CTBP2: variants seen among roughly 807,000 people sequenced by gnomAD.
CTBP2 encodes C-terminal-binding protein 2.
CTBP2 carries 30 observed loss-of-function variants against 80.3 expected under a neutral mutation model. That is an observed-to-expected ratio of 0.37 (90% CI 0.28 to 0.51). CTBP2 has a LOEUF of 0.51. Ranked by LOEUF, CTBP2 falls within the 20% of genes least tolerant of loss-of-function variation. The pLI, the probability that CTBP2 is intolerant of heterozygous loss-of-function variation, is 0.93. For synonymous variants in CTBP2, 594 were observed against 587.4 expected (o/e 1.01, Z -0.16); for missense variants, 1,212 against 1,375.3 (o/e 0.88, Z 1.88).
chr10:125,155,141 C>T (rs962122288), intron 1 of CTBP2, among the ~76,000 whole-genome samples: 4 of 152,338 alleles, frequency 2.6e-5, no homozygotes, highest in East Asian at 1.9e-4. Flanking sequence ...AGAAAGCACA[C>T]GACGTTCCTT....
chr10:125,082,551 T>C (rs1847328020), intron 2 of CTBP2, among the ~76,000 whole-genome samples: 2 of 152,088 alleles, frequency 1.3e-5, no homozygotes, highest in South Asian at 4.1e-4. Context: ...CAAGTCACGT[T>C]TGCACACTGT....
chr10:125,035,344 G>A (rs920225934), intron 3 of CTBP2, among the ~76,000 whole-genome samples: 17 of 152,222 alleles, frequency 1.1e-4, no homozygotes, highest in Non-Finnish European at 2.2e-4. Flanking sequence ...GTTTATTTAA[G>A]AGGAGGTCCC....
chr10:125,062,006 G>T (rs1245847547), intron 2 of CTBP2, among the ~76,000 whole-genome samples: 1 of 152,206 alleles, frequency 6.6e-6, no homozygotes, highest in African/African-American at 2.4e-5. Context: ...ACCGAAGCCG[G>T]GTAGCCCAGG....
At chr10:125,152,376 C>G (rs1860143657) in intron 1 of CTBP2, among the ~76,000 whole-genome samples, 1 of 152,202 alleles carries the variant, frequency 6.6e-6, no homozygotes, top group African/African-American at 2.4e-5. Context: ...CTCCCCGCAA[C>G]AGAAGGTCGC....
intron 3 of CTBP2, among the ~76,000 whole-genome samples, chr10:125,036,501 T>C (rs548129173): frequency 8.3e-6 from 1 of 120,166 alleles, no homozygotes; most frequent in East Asian, 3.1e-4. Flanking sequence ...TTTAATCATT[T>C]AGAAAGAAAA....
At chr10:125,139,445 T>A (rs1857453468) in intron 1 of CTBP2, among the ~76,000 whole-genome samples, 1 of 151,626 alleles carries the variant, frequency 6.6e-6, no homozygotes, top group African/African-American at 2.4e-5. Flanking sequence ...GTATTTCTAA[T>A]ATTCTTGAAT....
At chr10:125,038,488 T>C (rs1959115864) in intron 3 of CTBP2, among the ~76,000 whole-genome samples, 1 of 152,144 alleles carries the variant, frequency 6.6e-6, no homozygotes, top group South Asian at 2.1e-4. Context: ...CAGGTTTCCA[T>C]TAGATTTTAA....
chr10:125,054,043 C>T (rs908009998), intron 2 of CTBP2, among the ~76,000 whole-genome samples: 8 of 152,078 alleles, frequency 5.3e-5, no homozygotes, highest in African/African-American at 1.9e-4. Flanking sequence ...CAGTAGAGGG[C>T]CATGAATTGA....
intron 1 of CTBP2, among the ~76,000 whole-genome samples, chr10:125,130,374 T>C (rs747444030): frequency 6.6e-6 from 1 of 152,222 alleles, no homozygotes; most frequent in Non-Finnish European, 1.5e-5. Flanking sequence ...TAGCCTTCCC[T>C]TGCTGAGCCT....
intron 3 of CTBP2, among the ~76,000 whole-genome samples, chr10:125,033,349 TGAGACA>T (rs1958465899): frequency 6.6e-6 from 1 of 152,138 alleles, no homozygotes; most frequent in Non-Finnish European, 1.5e-5. Context: ...TAGATGGAGA[TGAGACA>T]GAGACAGAGG....
At chr10:125,112,384 AT>A (rs1316710564) in intron 1 of CTBP2, among the ~76,000 whole-genome samples, 6 of 146,898 alleles carry the variant, frequency 4.1e-5, no homozygotes, top group Non-Finnish European at 3.0e-5. Flanking sequence ...AAGTGCTGGG[AT>A]TACAGGCGTG....
chr10:125,049,521 T>A (rs1962206645), intron 2 of CTBP2, among the ~76,000 whole-genome samples: 1 of 152,150 alleles, frequency 6.6e-6, no homozygotes, highest in Admixed American at 6.5e-5. Context: ...TTGCTCCAAG[T>A]CACATTCAGT....
intron 1 of CTBP2, among the ~76,000 whole-genome samples, chr10:125,009,407 G>A (rs1341584930): frequency 3.3e-5 from 5 of 152,130 alleles, no homozygotes; most frequent in South Asian, 2.1e-4. Flanking sequence ...TCCAGAGGCC[G>A]GGGCGGGACA....
Position 124,998,176 on chromosome 10 carries a change from A to T in CTBP2, c.1979-6T>A, listed in dbSNP as rs1188369146. 3 of 1,600,566 alleles carry T rather than the reference A, an allele frequency of 1.9e-6. No homozygotes were observed. The highest frequency in any genetic ancestry group is 1.1e-5 in the South Asian group (1 of 88,692). ...GATGTTGCACACGGCAATTCCTGAA[A>T]GGGATGAGGCCAAGGCCGGAGATGA... On this transcript the variant is annotated splice_polypyrimidine_tract_variant and splice_region_variant and intron_variant, in intron 3 of 8. Transcript: ENST00000309035.
chr10:125,035,986 C>G (rs1442058527), intron 3 of CTBP2, among the ~76,000 whole-genome samples: 1 of 152,152 alleles, frequency 6.6e-6, no homozygotes, highest in Non-Finnish European at 1.5e-5. Flanking sequence ...TTATAAATAG[C>G]AAACTCAAAG....
Position 125,014,101 on chromosome 10 carries a change from G to A in CTBP2, c.1679-10609C>T, listed in dbSNP as rs140636583. Among the ~76,000 whole-genome samples, 5 of 152,272 alleles carry A rather than the reference G, an allele frequency of 3.3e-5. No individual in the cohort carries two copies. The East Asian group carries it at 7.7e-4, about 24-fold the overall frequency. ...TCATGGTAACTGTTATCAGAACGGC[G>A]GAGAACAGAAGGGCACATCCAAGCA... On this transcript the variant is annotated intron_variant, in intron 1 of 8. Coordinates refer to ENST00000309035, the MANE Select transcript of CTBP2 (RefSeq NM_022802.3).
At chr10:125,075,374 C>T (rs117539471) in intron 2 of CTBP2, among the ~76,000 whole-genome samples, 2,885 of 152,184 alleles carry the variant, frequency 0.019, 45 homozygotes, top group Non-Finnish European at 0.03. Flanking sequence ...TGAATCAATG[C>T]TGTTATCGTG....
Position 125,040,599 on chromosome 10 carries a change from T to TACACACACACAC in CTBP2, c.-101-1456_-101-1445dup, listed in dbSNP as rs59512017. 5.1e-3 allele frequency among the ~76,000 whole-genome samples: 751 copies of TACACACACACAC among 146,068 alleles called. 8 individuals carry two copies. The highest frequency in any genetic ancestry group is 0.017 in the African/African-American group (644 of 39,018). ...TTTTAAGACCACCACCACAACCACA[T>TACACACACACAC]ACACACACACACACACACACACACA... On this transcript the variant is annotated intron_variant, in intron 2 of 10. Coordinates refer to the CTBP2 transcript ENST00000337195.
intron 2 of CTBP2, among the ~76,000 whole-genome samples, chr10:125,077,661 G>T (rs1478607678): frequency 6.6e-6 from 1 of 152,136 alleles, no homozygotes; most frequent in Admixed American, 6.5e-5. Flanking sequence ...ACAAACAACT[G>T]GGAGCCTGCC....
Sources: gnomAD v4.1 joint callset for allele counts (sites outside exome capture counted in the v4.1 genomes callset) on GRCh38, gnomAD v4.1.1 for gene constraint, MANE v1.5 for transcripts, NCBI Gene and HGNC (gene_info 2026-07-23, HGNC 2026-07-21) for gene names.